The following CARD10 variants were observed in gnomAD, a reference collection of about 807,000 sequenced individuals.
CARD10 encodes the protein caspase recruitment domain family member 10, also known as caspase recruitment domain-containing protein 10.
CARD10 carries 49 observed loss-of-function variants against 114.6 expected under a neutral mutation model. The ratio of observed to expected loss-of-function variants is 0.43; its 90% CI spans 0.34 to 0.54. The LOEUF (loss-of-function observed/expected upper bound fraction) is 0.54. Among genes scored for constraint, CARD10 ranks in the 20% least tolerant of loss-of-function variants. The pLI, the probability that CARD10 is intolerant of heterozygous loss-of-function variation, is 0.03. For missense variants in CARD10, 1,206 were observed against 1,397.2 expected, an observed-to-expected ratio of 0.86 and a Z score of 2.18; for synonymous variants, 602 against 593.2, an observed-to-expected ratio of 1.01 and a Z score of -0.21.
At chr22:37,499,191 C>G (rs1048806540) in intron 11 of CARD10, among the ~76,000 whole-genome samples, 1 of 152,144 alleles carries the variant, frequency 6.6e-6, no homozygotes, top group African/African-American at 2.4e-5. Context: ...AGAAGCACAG[C>G]ACGCAGGGTG....
chr22:37,519,384 G>T lies in CARD10; in HGVS notation c.-184C>A. ...GCCTCGGGCTCCCGGGTCCGCACTC[G>T]GGCGGCGGCTCCGCCGGCGCAGGGG... On this transcript the variant is annotated 5_prime_UTR_variant, in exon 1 of 20. Coordinates refer to ENST00000251973, the MANE Select transcript of CARD10 (RefSeq NM_014550.4). This position sits in a 1 kb window ranked among gnomAD's most constrained non-coding sequence, Gnocchi z 4.1. 9.1e-6 allele frequency: 11 copies of T among 1,212,122 alleles called. No individual in the cohort carries two copies. Among genetic ancestry groups the T allele is most frequent in the Non-Finnish European group, 1.0e-5 (10 of 975,930 alleles). The allele number at this position is 1,212,122 out of a possible 1,614,324, so 75.1% of individuals were successfully genotyped here.
chr22:37,518,166 GGT>G, intron 1 of CARD10, 58 bp from the exon 2 acceptor site: 1 of 1,567,296 alleles, frequency 6.4e-7, no homozygotes, highest in Non-Finnish European at 8.7e-7. Flanking sequence ...CCAGGTGCCT[GGT>G]TGCTTCTGCC....
In CARD10 at chr22:37,496,937, T is replaced by C. The variant is rs1441261586; in HGVS notation, c.1947+82A>G. On this transcript the variant is annotated intron_variant, in intron 12 of 19. Transcript: ENST00000251973. This position sits in a 1 kb window ranked among gnomAD's most constrained non-coding sequence, Gnocchi z 4.1. The stretch of plus-strand genomic sequence containing the variant: ...AATCCCCAGAAGCTCTGCCCGGTGA[T>C]CTTGATCCACCAAATTAAGGGATGT... The C allele has an allele frequency of 1.4e-6, 2 of 1,446,848 alleles. No individual in the cohort carries two copies. Among genetic ancestry groups the C allele is most frequent in the Non-Finnish European group, 1.9e-6 (2 of 1,075,450 alleles). 89.6% of individuals were successfully genotyped at this position (1,446,848 alleles called of 1,614,324 possible).
chr22:37,497,143 G>A lies in CARD10; in HGVS notation c.1823C>T (p.Pro608Leu). 6.2e-7 allele frequency: 1 copy of A among 1,613,992 alleles called. No homozygotes were observed. Among genetic ancestry groups the A allele is most frequent in the Non-Finnish European group, 8.5e-7 (1 of 1,179,916 alleles). ...LAIRVSGRSP[P>L]GGPEPQDKGP... is the part of the protein sequence containing the mutation. ...CTTGTCCTGCGGCTCTGGGCCCCCT[G>A]GGGGGCTCCGGCCAGACACCCGAAT... The change falls in exon 12 of 20, where the codon CCA (proline) becomes CTA (leucine). Residue 608 changes from proline (P) to leucine (L), a missense_variant. Pro to Leu is a moderately conservative substitution (Grantham distance 98). Transcript: ENST00000251973.
rs778768713 is a variant in CARD10 at position 37,510,430 on chromosome 22, C to G, written c.700-9G>C. 5.8e-5 allele frequency: 93 copies of G among 1,612,804 alleles called. No homozygotes were observed. The highest frequency in any genetic ancestry group is 8.9e-5 in the East Asian group (4 of 44,872). Reference sequence around the variant, plus strand: ...AGCTTGAGCTGATCCACCTGGAGCCCAAGACATGGGTCAGCCCAGAGGGAG... The same window carrying G: ...AGCTTGAGCTGATCCACCTGGAGCCGAAGACATGGGTCAGCCCAGAGGGAG... On this transcript the variant is annotated splice_polypyrimidine_tract_variant and intron_variant, in intron 3 of 19. Coordinates refer to ENST00000251973, the MANE Select transcript of CARD10 (RefSeq NM_014550.4).
intron 8 of CARD10, 56 bp downstream of exon 8, chr22:37,504,579 T>C: frequency 1.1e-5 from 16 of 1,455,838 alleles, no homozygotes; most frequent in Non-Finnish European, 1.5e-5. Context: ...CTCTCCACAT[T>C]AGTAATAATG....
intron 7 of CARD10, among the ~76,000 whole-genome samples, chr22:37,505,825 G>A (rs1923385457): frequency 6.6e-6 from 1 of 152,038 alleles, no homozygotes; most frequent in African/African-American, 2.4e-5. Context: ...GGATGCTTAG[G>A]CCCATGTTAG....
chr22:37,496,067 G>C lies in CARD10; in HGVS notation c.2060-64C>G. The C allele has an allele frequency of 6.3e-7, 1 of 1,584,228 alleles. No individual in the cohort carries two copies. The highest frequency in any genetic ancestry group is 8.6e-7 in the Non-Finnish European group (1 of 1,163,098). On this transcript the variant is annotated intron_variant, in intron 13 of 19. Transcript: ENST00000251973. This position sits in a 1 kb window ranked among gnomAD's most constrained non-coding sequence, Gnocchi z 4.1. ...GAGGAGGATGGTGAGGTCCAGGATC[G>C]GCCTTGGTGGGGCCAAAGACATGGC...
At chr22:37,510,176 C>T (rs1451658967) in intron 4 of CARD10, 36 bp downstream of exon 4, 3 of 1,582,166 alleles carry the variant, frequency 1.9e-6, no homozygotes, top group Non-Finnish European at 2.6e-6. Context: ...TCCTGACCAC[C>T]CCCCAGCCTG....
In CARD10 at chr22:37,490,868, T is replaced by G; in HGVS notation, c.*291A>C. ...GTGTGAGAACAGACTCCAGGGCGAG[T>G]GTTTAAGGAGAAGACACAGACACAC... is the stretch of plus-strand genomic sequence containing the variant. On this transcript the variant is annotated 3_prime_UTR_variant, in exon 20 of 20. Transcript: ENST00000251973. 3 of 454,114 alleles carry G rather than the reference T, an allele frequency of 6.6e-6. No individual in the cohort carries two copies. Among genetic ancestry groups the G allele is most frequent in the South Asian group, 6.4e-5 (2 of 31,418 alleles). The allele number at this position is 454,114 out of a possible 1,614,324, so 28.1% of individuals were successfully genotyped here.
chr22:37,518,608 A>G (rs1923921111), intron 1 of CARD10, among the ~76,000 whole-genome samples: 1 of 152,110 alleles, frequency 6.6e-6, no homozygotes, highest in Non-Finnish European at 1.5e-5. Flanking sequence ...GACAGACAGA[A>G]CTCGGAGATC....
At chr22:37,493,714 C>G (rs1922888503) in intron 16 of CARD10, among the ~76,000 whole-genome samples, 1 of 152,216 alleles carries the variant, frequency 6.6e-6, no homozygotes, top group Non-Finnish European at 1.5e-5. Context: ...TTCTACCTGT[C>G]TGGCCTAAGG....
Position 37,491,296 on chromosome 22 carries a change from G to A in CARD10, c.2962C>T (p.Gln988Ter), listed in dbSNP as rs866534007. 1 of 1,567,154 alleles carries A rather than the reference G, an allele frequency of 6.4e-7. No homozygotes were observed. The highest frequency in any genetic ancestry group is 8.6e-7 in the Non-Finnish European group (1 of 1,162,540). Residue 988 changes from glutamine to a stop codon, truncating the protein, a stop_gained, in exon 20 of 20, where the codon CAG (glutamine) becomes TAG (stop). Transcript: ENST00000251973. LOFTEE classifies it low-confidence loss of function (END_TRUNC). ...TGTCCCCACTCATGGGCGGGCACCT[G>A]CACCCAGGAGCAGGGCAGCCCCCAG... The part of the protein sequence containing the change: ...VLWGLPCSWV[Q>*]VPAHEWGHAE...
In CARD10 at chr22:37,492,793, C is replaced by T. The variant is rs769750011; in HGVS notation, c.2486G>A (p.Arg829Gln). The T allele has an allele frequency of 1.9e-6, 3 of 1,611,240 alleles. No homozygotes were observed. Among genetic ancestry groups the T allele is most frequent in the African/African-American group, 1.3e-5 (1 of 74,876 alleles). Residue 829 changes from arginine (R) to glutamine (Q), a missense_variant, in exon 17 of 20, where the codon CGG becomes CAG. Coordinates refer to ENST00000251973, the MANE Select transcript of CARD10 (RefSeq NM_014550.4). This position sits in a 1 kb window ranked among gnomAD's most constrained non-coding sequence, Gnocchi z 5.7. ...LLLEPCAEPE[R>Q]SLRPYSLVRP... ...CACCAAACTGTAGGGTCTGAGGCTCCGCTCCGGCTCTGTGGCAGGGGAGGG... is the reference window on the plus strand; with the variant it reads ...CACCAAACTGTAGGGTCTGAGGCTCTGCTCCGGCTCTGTGGCAGGGGAGGG...
At chr22:37,505,360 C>G (rs902563004) in intron 7 of CARD10, among the ~76,000 whole-genome samples, 1 of 152,044 alleles carries the variant, frequency 6.6e-6, no homozygotes, top group Non-Finnish European at 1.5e-5. Flanking sequence ...GCCTGCGGAG[C>G]TCACTGTCAG....
Position 37,519,076 on chromosome 22 carries a change from A to G in CARD10, c.125T>C (p.Leu42Pro). ...ATACGGCGTGAGCTTGGCCGGGTTC[A>G]GGGCGCGAGCCAGCCGATGCCGGAC... ...EGVRHRLARA[L>P]NPAKLTPYLR... The change falls in exon 1 of 20, where the codon CTG becomes CCG. Residue 42 changes from leucine (L) to proline (P), a missense_variant. Physicochemically the swap from Leu to Pro is moderately conservative, Grantham distance 98 (BLOSUM62 -3). Around this residue, in one of 2 missense-constraint regions of CARD10, gnomAD observed 138 missense variants for 218.0 expected, o/e 0.63. Coordinates refer to ENST00000251973, the MANE Select transcript of CARD10 (RefSeq NM_014550.4). The surrounding 1 kb of genome is among the most constrained non-coding windows in gnomAD (Gnocchi z 4.1). The G allele has an allele frequency of 1.3e-6, 2 of 1,586,926 alleles. No homozygotes were observed. Among genetic ancestry groups the G allele is most frequent in the South Asian group, 1.1e-5 (1 of 89,184 alleles).
chr22:37,499,520 A>C (rs1923136482), intron 11 of CARD10, among the ~76,000 whole-genome samples: 1 of 134,318 alleles, frequency 7.4e-6, no homozygotes, highest in Non-Finnish European at 1.6e-5. Context: ...ACCCACCTCT[A>C]CTCGCTCCCT....
intron 2 of CARD10, among the ~76,000 whole-genome samples, chr22:37,517,546 G>A (rs1389149529): frequency 6.6e-6 from 1 of 152,168 alleles, no homozygotes; most frequent in African/African-American, 2.4e-5. Context: ...GGAGGCTGAG[G>A]CAGGAGAATC....
rs114212235 is a variant in CARD10, at chr22:37,501,076, G to T, written c.1787+1526C>A. On this transcript the variant is annotated intron_variant, in intron 11 of 19. Coordinates refer to ENST00000251973, the MANE Select transcript of CARD10 (RefSeq NM_014550.4). This position sits in a 1 kb window ranked among gnomAD's most constrained non-coding sequence, Gnocchi z 5.4. The stretch of plus-strand genomic sequence containing the variant: ...TCCCAGGAGACACACAAGTTGCCCC[G>T]ACCTGGGACCTGTCCGGGCCCTCAT... 6.6e-6 allele frequency among the ~76,000 whole-genome samples: 1 copy of T among 151,978 alleles called. No homozygotes were observed. The highest frequency in any genetic ancestry group is 1.5e-5 in the Non-Finnish European group (1 of 67,990).
Sources: allele counts gnomAD v4.1 joint callset (sites outside exome capture counted in the v4.1 genomes callset), GRCh38; gene constraint gnomAD v4.1.1; regional missense constraint gnomAD v4.1.1; non-coding constraint Gnocchi (gnomAD v3.1); transcripts MANE v1.5; gene names NCBI Gene and HGNC (gene_info 2026-07-23, HGNC 2026-07-21).